The following GADL1 variants were observed in gnomAD, a reference collection of about 807,000 sequenced individuals.
GADL1 encodes acidic amino acid decarboxylase GADL1.
Under a neutral mutation model 69.5 loss-of-function variants are expected in GADL1, and 71 were observed. That is an observed-to-expected ratio of 1.02 (90% CI 0.84 to 1.25). GADL1 has a LOEUF of 1.25. Among genes scored for constraint, GADL1 ranks in the 50% most tolerant of loss-of-function variants. The pLI is 0.00. For synonymous variants in GADL1, 254 were observed against 214.4 expected, an observed-to-expected ratio of 1.18 and a Z score of -1.62; for missense variants, 737 against 631.8, an observed-to-expected ratio of 1.17 and a Z score of -1.79.
chr3:30,874,380 C>A (rs557725535), intron 1 of GADL1, among the ~76,000 whole-genome samples: 1 of 151,980 alleles, frequency 6.6e-6, no homozygotes, highest in African/African-American at 2.4e-5. Context: ...CACTGCCTAA[C>A]AGATCATAGT....
intron 1 of GADL1, among the ~76,000 whole-genome samples, chr3:30,883,217 A>G (rs1698664299): frequency 6.6e-6 from 1 of 151,958 alleles, no homozygotes; most frequent in Admixed American, 6.6e-5. Flanking sequence ...CCAATAAATC[A>G]TTGCCAAATC....
chr3:30,834,807 A>G (rs950402353), intron 9 of GADL1, among the ~76,000 whole-genome samples: 5 of 152,126 alleles, frequency 3.3e-5, no homozygotes, highest in Admixed American at 6.6e-5. Context: ...AATGAGAGAG[A>G]GGGCAAGCTT....
At chr3:30,832,633 C>T (rs1263567218) in intron 11 of GADL1, among the ~76,000 whole-genome samples, 1 of 151,896 alleles carries the variant, frequency 6.6e-6, no homozygotes, top group East Asian at 1.9e-4. Context: ...GTTCTTATAC[C>T]TAGACCAAAA....
At chr3:30,785,309 A>G (rs1208296425) in intron 13 of GADL1, among the ~76,000 whole-genome samples, 1 of 152,064 alleles carries the variant, frequency 6.6e-6, no homozygotes, top group African/African-American at 2.4e-5. Flanking sequence ...TCCTGTGCCT[A>G]GAACCATGCA....
rs1470976213 is a variant in GADL1 at position 30,834,031 on chromosome 3, A to G, written c.969-97T>C. ...TTATCAATATCTGCATTCAGTACTC[A>G]TACATAGTTTACTGTTCTATAGAAC... is the stretch of plus-strand genomic sequence containing the variant. On this transcript the variant is annotated intron_variant, in intron 10 of 14. Coordinates refer to ENST00000282538, the MANE Select transcript of GADL1 (RefSeq NM_207359.3). 4.2e-6 allele frequency: 4 copies of G among 956,596 alleles called. No individual in the cohort carries two copies. In the African/African-American group the frequency reaches 6.4e-5, roughly 15 times the overall value. The allele number at this position is 956,596 out of a possible 1,614,324, so 59.3% of individuals were successfully genotyped here.
intron 1 of GADL1, among the ~76,000 whole-genome samples, chr3:30,873,729 G>A (rs1335385673): frequency 6.6e-6 from 1 of 151,810 alleles, no homozygotes; most frequent in South Asian, 2.1e-4. Flanking sequence ...TGCTATAAAT[G>A]GGTGCCTCAT....
chr3:30,757,897 G>A (rs898841997), intron 14 of GADL1, among the ~76,000 whole-genome samples: 4 of 152,202 alleles, frequency 2.6e-5, no homozygotes, highest in Non-Finnish European at 5.9e-5. Context: ...CTGAGCTTAA[G>A]ATGGGTCAGT....
intron 1 of GADL1, among the ~76,000 whole-genome samples, chr3:30,877,770 A>G (rs1698597848): frequency 6.6e-6 from 1 of 151,946 alleles, no homozygotes; most frequent in Admixed American, 6.6e-5. Flanking sequence ...TGTCTGTTAA[A>G]GGGGCAAAAT....
chr3:30,818,490 T>A (rs1420186730), intron 11 of GADL1, among the ~76,000 whole-genome samples: 21 of 152,062 alleles, frequency 1.4e-4, no homozygotes, highest in Admixed American at 1.4e-3. Flanking sequence ...TGATTAAGAT[T>A]TTTTTTTCCT....
chr3:30,764,124 G>A (rs1696209818), intron 14 of GADL1, among the ~76,000 whole-genome samples: 1 of 151,328 alleles, frequency 6.6e-6, no homozygotes, highest in African/African-American at 2.4e-5. Flanking sequence ...ATATACTTAT[G>A]TTTATTAAAT....
chr3:30,818,536 A>AT (rs1485794768), intron 11 of GADL1, among the ~76,000 whole-genome samples: 3 of 152,034 alleles, frequency 2.0e-5, no homozygotes, highest in Non-Finnish European at 4.4e-5. Flanking sequence ...TCTCTATTTC[A>AT]TGTTATTGTG....
chr3:30,735,855 A>G (rs1053233241), intron 14 of GADL1, among the ~76,000 whole-genome samples: 1 of 152,136 alleles, frequency 6.6e-6, no homozygotes, highest in African/African-American at 2.4e-5. Flanking sequence ...GCATGGCTCA[A>G]AGATTTTGGG....
chr3:30,856,572 G>A (rs984048902), intron 3 of GADL1, among the ~76,000 whole-genome samples: 1 of 152,036 alleles, frequency 6.6e-6, no homozygotes, highest in African/African-American at 2.4e-5. Context: ...GTTAATCAGT[G>A]TCTTCCAAAT....
At chr3:30,816,530 C>CT (rs773530741) in intron 11 of GADL1, among the ~76,000 whole-genome samples, 600 of 53,944 alleles carry the variant, frequency 0.011, 185 homozygotes, top group Non-Finnish European at 0.018. Context: ...AATTTGTTTT[C>CT]TTTTTTTTTT....
chr3:30,800,713 G>GT, intron 12 of GADL1, 176 bp downstream of exon 12: 3 of 617,958 alleles, frequency 4.9e-6, no homozygotes, highest in Non-Finnish European at 8.6e-6. Flanking sequence ...GAGAAAATGT[G>GT]TATTGGATGA....
intron 14 of GADL1, among the ~76,000 whole-genome samples, chr3:30,740,825 C>T (rs927803031): frequency 3.3e-5 from 5 of 149,774 alleles, no homozygotes; most frequent in Non-Finnish European, 5.9e-5. Flanking sequence ...TCTGACTTTA[C>T]GTGTTGCAAG....
At chr3:30,831,580 C>T (rs994372208) in intron 11 of GADL1, among the ~76,000 whole-genome samples, 10 of 151,972 alleles carry the variant, frequency 6.6e-5, no homozygotes, top group African/African-American at 2.4e-4. Flanking sequence ...AAGACTTTCC[C>T]TTTGTTTCTG....
intron 9 of GADL1, among the ~76,000 whole-genome samples, chr3:30,837,422 A>G (rs1031915350): frequency 3.9e-5 from 6 of 152,104 alleles, no homozygotes; most frequent in African/African-American, 1.4e-4. Flanking sequence ...CCAGATGTAT[A>G]CTATGCACAA....
Position 30,833,842 on chromosome 3 carries a change from G to T in GADL1, c.1050+11C>A, listed in dbSNP as rs1052792073. ...CCTTGAAGCCCAAAGGACCACAAGA[G>T]GAAAACTTACAGATTTGTCTTTCAC... On this transcript the variant is annotated intron_variant, in intron 11 of 14. Transcript: ENST00000282538. 15 of 1,604,304 alleles carry T rather than the reference G, an allele frequency of 9.3e-6. No individual in the cohort carries two copies. Among genetic ancestry groups the T allele is most frequent in the Non-Finnish European group, 1.3e-5 (15 of 1,171,760 alleles).
Sources: allele counts gnomAD v4.1 joint callset (sites outside exome capture counted in the v4.1 genomes callset), GRCh38; gene constraint gnomAD v4.1.1; transcripts MANE v1.5; gene names NCBI Gene and HGNC (gene_info 2026-07-23, HGNC 2026-07-21).